Variants in GNAQ observed in about 807,000 individuals in gnomAD.
GNAQ encodes the protein guanine nucleotide-binding protein G(q) subunit alpha.
A neutral mutation model predicts 43.9 loss-of-function variants in GNAQ; 8 were observed. The observed-to-expected ratio is 0.18, with a 90% CI of 0.11 to 0.33. The LOEUF is 0.33. GNAQ is among the 10% of genes least tolerant of loss of function. The pLI is 1.00. For missense variants in GNAQ, 158 were observed against 450.8 expected (o/e 0.35, Z 5.88); for synonymous variants, 155 against 170.7 (o/e 0.91, Z 0.71).
At chr9:77,962,726 A>G (rs1257155321) in intron 1 of GNAQ, among the ~76,000 whole-genome samples, 2 of 151,774 alleles carry the variant, frequency 1.3e-5, no homozygotes, top group African/African-American at 4.8e-5. Context: ...CCCGTGTCTA[A>G]TAAAAAATAC....
chr9:77,740,030 A>C (rs1825630117), intron 5 of GNAQ, among the ~76,000 whole-genome samples: 1 of 152,252 alleles, frequency 6.6e-6, no homozygotes, highest in Non-Finnish European at 1.5e-5. Flanking sequence ...GTGTTAGGCC[A>C]GGAAAATCTA....
At chr9:77,983,705 T>C (rs972112690) in intron 1 of GNAQ, among the ~76,000 whole-genome samples, 17 of 152,158 alleles carry the variant, frequency 1.1e-4, no homozygotes, top group African/African-American at 3.9e-4. Context: ...CACAGAAAAG[T>C]ATCTATGCAC....
At chr9:77,917,178 GC>G (rs1828921789) in intron 2 of GNAQ, among the ~76,000 whole-genome samples, 1 of 152,134 alleles carries the variant, frequency 6.6e-6, no homozygotes, top group African/African-American at 2.4e-5. Context: ...AACCCCAACT[GC>G]CAAGTTCAGA....
chr9:77,749,213 T>C (rs1410054228), intron 5 of GNAQ, among the ~76,000 whole-genome samples: 1 of 152,208 alleles, frequency 6.6e-6, no homozygotes, highest in Admixed American at 6.5e-5. Flanking sequence ...ATTCTTGCTT[T>C]GGGTCTAAGT....
In GNAQ at chr9:77,762,442, G is replaced by A. The variant is rs1389893500; in HGVS notation, c.735+32021C>T. Among the ~76,000 whole-genome samples, 66 of 133,292 alleles carry A rather than the reference G, an allele frequency of 5.0e-4. 1 individual carries two copies. The highest frequency in any genetic ancestry group is 1.7e-3 in the African/African-American group (57 of 33,080). The allele number at this position is 133,292 out of a possible 152,430, so 87.4% of individuals were successfully genotyped here. A position where few individuals can be genotyped will look rare whatever the true frequency, so the allele number is the denominator to read the frequency against. On this transcript the variant is annotated intron_variant, in intron 5 of 6. Coordinates refer to ENST00000286548, the MANE Select transcript of GNAQ (RefSeq NM_002072.5). ...AGGGAGGTGGGGGGGTCAGCCCCCCGCCTGGCCAGCCGCCCCATCCGGGAG... is the reference window on the plus strand; with the variant it reads ...AGGGAGGTGGGGGGGTCAGCCCCCCACCTGGCCAGCCGCCCCATCCGGGAG...
At chr9:77,784,104 A>C (rs936610530) in intron 5 of GNAQ, among the ~76,000 whole-genome samples, 2 of 149,626 alleles carry the variant, frequency 1.3e-5, no homozygotes, top group African/African-American at 5.0e-5. Flanking sequence ...TTCCTCTGAA[A>C]TTTTTGTTTT....
intron 2 of GNAQ, among the ~76,000 whole-genome samples, chr9:77,826,542 C>T (rs1310823097): frequency 6.6e-6 from 1 of 152,220 alleles, no homozygotes; most frequent in African/African-American, 2.4e-5. Context: ...AACAAGGGAA[C>T]TGAGGCACGC....
At chr9:77,996,967 C>A (rs1485756626) in intron 1 of GNAQ, among the ~76,000 whole-genome samples, 1 of 152,224 alleles carries the variant, frequency 6.6e-6, no homozygotes, top group Non-Finnish European at 1.5e-5. Context: ...GTATTTACTA[C>A]TCCTAGGCCC....
chr9:77,797,349 G>C (rs1025869086), intron 4 of GNAQ, among the ~76,000 whole-genome samples, 171 bp downstream of exon 4: 1 of 152,054 alleles, frequency 6.6e-6, no homozygotes, highest in Admixed American at 6.6e-5. Flanking sequence ...ACATCTTTCT[G>C]TTATTTCCTC....
At chr9:77,879,824 C>T (rs763423655) in intron 2 of GNAQ, among the ~76,000 whole-genome samples, 17 of 152,296 alleles carry the variant, frequency 1.1e-4, no homozygotes, top group Non-Finnish European at 2.2e-4. Context: ...AAAAATCTCA[C>T]CTAACCAGTT....
chr9:77,817,353 C>A lies in GNAQ; in HGVS notation c.322-1583G>T, dbSNP rs573258186. On this transcript the variant is annotated intron_variant, in intron 2 of 6. Transcript: ENST00000286548. ...CGCATAATCAGGGCCTAGCAAGGTG[C>A]CTGGCAAGTGGTAGATGTTCAATAA... 2.0e-5 allele frequency among the ~76,000 whole-genome samples: 3 copies of A among 151,846 alleles called. No homozygotes were observed. The South Asian group carries it at 6.2e-4, about 32-fold the overall frequency.
chr9:77,874,365 C>T (rs1008421737), intron 2 of GNAQ, among the ~76,000 whole-genome samples: 1 of 152,106 alleles, frequency 6.6e-6, no homozygotes, highest in African/African-American at 2.4e-5. Flanking sequence ...GGCACTGGCC[C>T]GCGTTCCAAG....
intron 2 of GNAQ, among the ~76,000 whole-genome samples, chr9:77,910,275 C>G (rs900244908): frequency 3.3e-5 from 5 of 152,206 alleles, no homozygotes; most frequent in Admixed American, 1.3e-4. Context: ...TATCCTCCCT[C>G]GACCTCCATT....
In GNAQ at chr9:77,797,656, A is replaced by G. The variant is rs2118457014; in HGVS notation, c.477-8T>C. ...TCCAAGTCATTAAGATAGCTAGAGG[A>G]GGGAAGACACAATGAGAATGTCAGT... On this transcript the variant is annotated splice_polypyrimidine_tract_variant and splice_region_variant and intron_variant, in intron 3 of 6. Coordinates refer to ENST00000286548, the MANE Select transcript of GNAQ (RefSeq NM_002072.5). The G allele has an allele frequency of 6.2e-7, 1 of 1,612,486 alleles. No homozygotes were observed. The highest frequency in any genetic ancestry group is 8.5e-7 in the Non-Finnish European group (1 of 1,179,080).
At chr9:77,886,629 CAAAT>C (rs1002853437) in intron 2 of GNAQ, among the ~76,000 whole-genome samples, 2 of 151,944 alleles carry the variant, frequency 1.3e-5, no homozygotes, top group Non-Finnish European at 2.9e-5. Context: ...ATTTACAAGA[CAAAT>C]GAAAGAGTAA....
At chr9:77,760,815 C>G (rs1202030745) in intron 5 of GNAQ, among the ~76,000 whole-genome samples, 69 of 151,490 alleles carry the variant, frequency 4.6e-4, no homozygotes, top group Admixed American at 1.8e-3. Context: ...CGTCTCTGCC[C>G]AGCCGCCCAT....
intron 1 of GNAQ, among the ~76,000 whole-genome samples, chr9:78,025,364 T>A (rs1218684072): frequency 1.3e-5 from 2 of 152,254 alleles, no homozygotes; most frequent in African/African-American, 4.8e-5. Context: ...CTTTCTTTAA[T>A]GTTACTCCAT....
At chr9:77,904,247 GA>G (rs1383649066) in intron 2 of GNAQ, among the ~76,000 whole-genome samples, 1 of 149,708 alleles carries the variant, frequency 6.7e-6, no homozygotes, top group Non-Finnish European at 1.5e-5. Flanking sequence ...GCTGACTGTG[GA>G]AACTGTAAAT....
intron 2 of GNAQ, among the ~76,000 whole-genome samples, chr9:77,899,012 T>C (rs1344122919): frequency 1.3e-5 from 2 of 152,252 alleles, no homozygotes; most frequent in African/African-American, 4.8e-5. Flanking sequence ...ATAATTTACT[T>C]CCTTATTGAT....
Sources: gnomAD v4.1 joint callset for allele counts (sites outside exome capture counted in the v4.1 genomes callset) on GRCh38, gnomAD v4.1.1 for gene constraint, MANE v1.5 for transcripts, NCBI Gene and HGNC (gene_info 2026-07-23, HGNC 2026-07-21) for gene names.